The following RCAN2 variants were observed in gnomAD, a reference collection of about 807,000 sequenced individuals.
RCAN2 encodes calcipressin-2.
A neutral mutation model predicts 23.6 loss-of-function variants in RCAN2; 9 were observed. That is an observed-to-expected ratio of 0.38 (90% confidence interval 0.23 to 0.67). The LOEUF is 0.67. Among genes scored for constraint, RCAN2 ranks in the 30% least tolerant of loss-of-function variants. The pLI is 0.51. For missense variants in RCAN2, 273 were observed against 302.3 expected, an observed-to-expected ratio of 0.90 and a Z score of 0.72; for synonymous variants, 109 against 115.7, an observed-to-expected ratio of 0.94 and a Z score of 0.37.
intron 2 of RCAN2, among the ~76,000 whole-genome samples, chr6:46,279,298 G>A (rs566767836): frequency 6.6e-6 from 1 of 151,972 alleles, no homozygotes; most frequent in Admixed American, 6.5e-5. Flanking sequence ...TAGCAACCAG[G>A]CAATACCAAG....
chr6:46,290,334 T>G (rs992926379), intron 2 of RCAN2, among the ~76,000 whole-genome samples: 1 of 152,154 alleles, frequency 6.6e-6, no homozygotes, highest in Admixed American at 6.5e-5. Flanking sequence ...CTGCTATATC[T>G]TGTGTATTAA....
chr6:46,376,581 G>A (rs1412107170), intron 2 of RCAN2, among the ~76,000 whole-genome samples: 1 of 152,174 alleles, frequency 6.6e-6, no homozygotes, highest in Admixed American at 6.5e-5. Context: ...TCGGGAGGCT[G>A]AGGCAGAAGA....
At chr6:46,298,584 A>C (rs1762796024) in intron 2 of RCAN2, among the ~76,000 whole-genome samples, 1 of 152,128 alleles carries the variant, frequency 6.6e-6, no homozygotes, top group Admixed American at 6.6e-5. Flanking sequence ...ACTTTGGTAG[A>C]TACCGTACAA....
intron 2 of RCAN2, among the ~76,000 whole-genome samples, chr6:46,375,661 A>G (rs1765437935): frequency 6.6e-6 from 1 of 152,204 alleles, no homozygotes; most frequent in Admixed American, 6.5e-5. Context: ...CTTTTGCCAT[A>G]AAGAGCCAGG....
intron 2 of RCAN2, among the ~76,000 whole-genome samples, chr6:46,279,559 C>A (rs1354142180): frequency 6.6e-6 from 1 of 152,160 alleles, no homozygotes; most frequent in Non-Finnish European, 1.5e-5. Flanking sequence ...AGGAATTGCT[C>A]CCTGTTGAGA....
At chr6:46,380,524 C>T (rs564226494) in intron 2 of RCAN2, among the ~76,000 whole-genome samples, 1 of 152,176 alleles carries the variant, frequency 6.6e-6, no homozygotes, top group Non-Finnish European at 1.5e-5. Context: ...AAAGCAAGTT[C>T]TAGGCCCCTA....
At chr6:46,406,802 C>A (rs567309624) in intron 2 of RCAN2, among the ~76,000 whole-genome samples, 1 of 152,304 alleles carries the variant, frequency 6.6e-6, no homozygotes, top group South Asian at 2.1e-4. Context: ...GCCCTTTAAT[C>A]CCTGACATTT....
At chr6:46,458,896 C>CTCGCGT (rs139673559) in intron 1 of RCAN2, among the ~76,000 whole-genome samples, 2 of 150,036 alleles carry the variant, frequency 1.3e-5, no homozygotes, top group Non-Finnish European at 3.0e-5. Context: ...CGCGCGCGCA[C>CTCGCGT]GTGTGTGTGT....
At position 46,374,367 on chromosome 6, in the gene RCAN2, T is replaced by A. The variant is rs1561879917; in HGVS notation, c.225+82385A>T. Among the ~76,000 whole-genome samples the A allele has an allele frequency of 3.9e-5, 6 of 152,266 alleles. No homozygotes were observed. In the South Asian group the frequency reaches 1.2e-3, roughly 31 times the overall value. On this transcript the variant is annotated intron_variant, in intron 2 of 4. Transcript: ENST00000371374. ...GAATTTCTATGATGCACAATCATCTTTTATTTTACACTATTATTTTAACAT... is the reference window on the plus strand; with the variant it reads ...GAATTTCTATGATGCACAATCATCTATTATTTTACACTATTATTTTAACAT...
chr6:46,375,597 C>T (rs1161689146), intron 2 of RCAN2, among the ~76,000 whole-genome samples: 1 of 152,196 alleles, frequency 6.6e-6, no homozygotes, highest in Non-Finnish European at 1.5e-5. Context: ...GCCAATTTGT[C>T]ATTCCAGGAA....
chr6:46,431,973 T>C (rs148043481), intron 2 of RCAN2, among the ~76,000 whole-genome samples: 334 of 152,330 alleles, frequency 2.2e-3, no homozygotes, highest in African/African-American at 7.6e-3. Flanking sequence ...ATTGGATATA[T>C]TGAAGATCAA....
At chr6:46,261,111 G>A (rs1014537464) in intron 2 of RCAN2, among the ~76,000 whole-genome samples, 1 of 152,142 alleles carries the variant, frequency 6.6e-6, no homozygotes, top group Non-Finnish European at 1.5e-5. Flanking sequence ...GTCTGTGGCT[G>A]TCATCAGCCC....
Position 46,254,299 on chromosome 6 carries a change from C to T in RCAN2, c.226-5403G>A, listed in dbSNP as rs114625912. Among the ~76,000 whole-genome samples, 1,031 of 152,220 alleles carry T rather than the reference C, an allele frequency of 6.8e-3. 6 individuals are homozygous for T. Among genetic ancestry groups the T allele is most frequent in the Admixed American group, 9.5e-3 (146 of 15,292 alleles). ...ATCTCAGAAGTAAGGATCCAGTTGG[C>T]TTGGGGAAAGACAGGAGGTCTAGTG... On this transcript the variant is annotated intron_variant, in intron 2 of 4. Coordinates refer to ENST00000371374, the MANE Select transcript of RCAN2 (RefSeq NM_001251974.2).
At chr6:46,332,747 T>A (rs1472870055) in intron 2 of RCAN2, among the ~76,000 whole-genome samples, 3 of 152,142 alleles carry the variant, frequency 2.0e-5, no homozygotes, top group Non-Finnish European at 4.4e-5. Context: ...TTTGCTATTG[T>A]GAATAGTGCT....
At chr6:46,454,157 A>G (rs909132884) in intron 2 of RCAN2, among the ~76,000 whole-genome samples, 1 of 152,226 alleles carries the variant, frequency 6.6e-6, no homozygotes, top group African/African-American at 2.4e-5. Flanking sequence ...CTTTGTGGAA[A>G]ATACCCATCA....
chr6:46,310,376 A>G (rs966352246), intron 2 of RCAN2, among the ~76,000 whole-genome samples: 3 of 152,164 alleles, frequency 2.0e-5, no homozygotes, highest in South Asian at 4.1e-4. Flanking sequence ...ACTTCCATGC[A>G]CAAGAAAGAA....
intron 2 of RCAN2, among the ~76,000 whole-genome samples, chr6:46,408,343 T>G (rs922939223): frequency 2.0e-5 from 3 of 152,210 alleles, no homozygotes; most frequent in Non-Finnish European, 4.4e-5. Flanking sequence ...TGGTACCAGC[T>G]GGCGAGTCGC....
chr6:46,236,305 AAC>A (rs1491027169), intron 4 of RCAN2, among the ~76,000 whole-genome samples: 1 of 152,046 alleles, frequency 6.6e-6, no homozygotes, highest in Non-Finnish European at 1.5e-5. Context: ...TTTTTCCTCC[AAC>A]CACCACTTCC....
At chr6:46,491,145 G>C (rs980614706) in intron 1 of RCAN2, 28 bp downstream of exon 1, 6 of 151,504 alleles carry the variant, frequency 4.0e-5, no homozygotes, top group Non-Finnish European at 7.4e-5. Flanking sequence ...GCCTGGGCGA[G>C]CCTGGCCGGC....
Sources: gnomAD v4.1 joint callset for allele counts (sites outside exome capture counted in the v4.1 genomes callset) on GRCh38, gnomAD v4.1.1 for gene constraint, MANE v1.5 for transcripts, NCBI Gene and HGNC (gene_info 2026-07-23, HGNC 2026-07-21) for gene names.